The following DGKZ variants were observed in gnomAD, a reference collection of about 807,000 sequenced individuals.
DGKZ encodes DAG kinase zeta.
DGKZ carries 45 observed loss-of-function variants against 142.5 expected under a neutral mutation model. The ratio of observed to expected loss-of-function variants is 0.32; its 90% CI spans 0.25 to 0.40. The LOEUF is 0.40. Among genes scored for constraint, DGKZ ranks in the 10% least tolerant of loss-of-function variants. The probability of loss-of-function intolerance (pLI) is 1.00; values close to 1 mark genes in which losing one functional copy is unlikely to be tolerated. For synonymous variants in DGKZ, 442 were observed against 527.0 expected (o/e 0.84, Z 2.21); for missense variants, 755 against 1,306.5 (o/e 0.58, Z 6.51).
chr11:46,372,244 C>G lies in DGKZ; in HGVS notation c.927+74C>G. 1 of 1,440,370 alleles carries G rather than the reference C, an allele frequency of 6.9e-7. No individual in the cohort carries two copies. The highest frequency in any genetic ancestry group is 9.4e-7 in the Non-Finnish European group (1 of 1,060,138). The allele number at this position is 1,440,370 out of a possible 1,614,324, so 89.2% of individuals were successfully genotyped here. On this transcript the variant is annotated intron_variant, in intron 10 of 30. Transcript: ENST00000527911. The surrounding 1 kb of genome is among the most constrained non-coding windows in gnomAD (Gnocchi z 5.9). ...TCCAGCCCGTCTGCCAGCAGCTGTT[C>G]CCAGAGCCCGTTTCTGGCTTCTACC...
chr11:46,334,504 TG>T (rs1158971860), intron 1 of DGKZ, among the ~76,000 whole-genome samples: 40 of 152,218 alleles, frequency 2.6e-4, no homozygotes, highest in Non-Finnish European at 1.5e-4. Context: ...TCATAAAACT[TG>T]CCCAGCCCTG....
At chr11:46,362,409 C>T (rs1327294950) in intron 1 of DGKZ, among the ~76,000 whole-genome samples, 1 of 152,172 alleles carries the variant, frequency 6.6e-6, no homozygotes, top group Admixed American at 6.5e-5. Context: ...GGTGGCCACC[C>T]TGGGCACTCC....
At position 46,367,353 on chromosome 11, in the gene DGKZ, C is replaced by A. The variant is rs749509532; in HGVS notation, c.224C>A (p.Pro75Gln). 32 of 1,613,164 alleles carry A rather than the reference C, an allele frequency of 2.0e-5. No individual in the cohort carries two copies. Among genetic ancestry groups the A allele is most frequent in the South Asian group, 8.8e-5 (8 of 91,076 alleles). Reference sequence around the variant, plus strand: ...CCCCCTCCGCCCACCCCTGGGGCCCCGTGCAGCGAGTCAGAGCGGCAGATC... The same window carrying A: ...CCCCCTCCGCCCACCCCTGGGGCCCAGTGCAGCGAGTCAGAGCGGCAGATC... The change falls in exon 2 of 31, where the codon CCG (proline) becomes CAG (glutamine). Residue 75 changes from proline to glutamine, a missense_variant. Transcript: ENST00000527911. This position sits in a 1 kb window ranked among gnomAD's most constrained non-coding sequence, Gnocchi z 4.1.
At chr11:46,366,982 C>T (rs1192074707) in intron 1 of DGKZ, 16 of 1,525,794 alleles carry the variant, frequency 1.0e-5, no homozygotes, top group South Asian at 3.6e-5. Flanking sequence ...GCGCCCTGCT[C>T]GCGTAGGTAT....
At chr11:46,375,099 G>C (rs1944389995) in intron 19 of DGKZ, 54 bp downstream of exon 19, 1 of 1,481,258 alleles carries the variant, frequency 6.8e-7, no homozygotes, top group African/African-American at 1.4e-5. Flanking sequence ...AGGTGGAAGG[G>C]GTCACCCATA....
At chr11:46,371,579 G>T (rs1176186332) in exon 8 of DGKZ, 1 of 1,610,598 alleles carries the variant, frequency 6.2e-7, no homozygotes, top group Non-Finnish European at 8.5e-7. Context: ...CGCCCACCTG[G>T]ATCCTCCGCG....
At chr11:46,356,377 A>C (rs973684467) in intron 1 of DGKZ, among the ~76,000 whole-genome samples, 3 of 152,150 alleles carry the variant, frequency 2.0e-5, no homozygotes, top group African/African-American at 7.2e-5. Flanking sequence ...AGCGGGATCC[A>C]TGAGGCTGAG....
intron 1 of DGKZ, chr11:46,361,653 A>C: frequency 1.0e-6 from 1 of 985,588 alleles, no homozygotes; most frequent in Non-Finnish European, 1.2e-6. Flanking sequence ...AGCTGGATCC[A>C]GAGCCCGGCC....
chr11:46,373,187 G>A, intron 14 of DGKZ, 86 bp downstream of exon 14: 1 of 1,433,422 alleles, frequency 7.0e-7, no homozygotes, highest in Non-Finnish European at 9.2e-7. Context: ...GGGACCTCGG[G>A]CGTGTCTCTT....
chr11:46,370,254 G>A (rs750149779), intron 6 of DGKZ, among the ~76,000 whole-genome samples: 1 of 152,258 alleles, frequency 6.6e-6, no homozygotes. Context: ...CTTTGAAGCT[G>A]CAAGTGGCCC....
At chr11:46,355,294 G>A (rs1020786132) in intron 1 of DGKZ, among the ~76,000 whole-genome samples, 3 of 151,902 alleles carry the variant, frequency 2.0e-5, no homozygotes, top group Non-Finnish European at 4.4e-5. Context: ...ATTTTTAGTA[G>A]AGACGGGGTT....
Position 46,367,984 on chromosome 11 carries a change from T to C in DGKZ, c.367-18T>C. The C allele has an allele frequency of 6.2e-7, 1 of 1,613,184 alleles. No individual in the cohort carries two copies. Among genetic ancestry groups the C allele is most frequent in the Non-Finnish European group, 8.5e-7 (1 of 1,179,776 alleles). ...GACTTACCTGGTGCCTCAGGGGCCC[T>C]CTCTTCCTGTCCTGCAGCAGAAGTC... On this transcript the variant is annotated intron_variant, in intron 3 of 30. Transcript: ENST00000527911. The surrounding 1 kb of genome is among the most constrained non-coding windows in gnomAD (Gnocchi z 4.1).
chr11:46,345,819 G>T (rs1379476301), upstream of DGKZ, among the ~76,000 whole-genome samples: 1 of 152,180 alleles, frequency 6.6e-6, no homozygotes, highest in African/African-American at 2.4e-5. The surrounding 1 kb of genome is among the most constrained non-coding windows in gnomAD (Gnocchi z 4.1). Flanking sequence ...GCAGTGGGGG[G>T]ATCTGGGAAG....
rs550056028 is a variant in DGKZ at position 46,369,291 on chromosome 11, A to G, written c.445-203A>G. On this transcript the variant is annotated intron_variant, in intron 4 of 30. Coordinates refer to ENST00000527911, the Ensembl canonical transcript of DGKZ. ...CCTGGGTCCTGGGTGGAAGAAGGAA[A>G]GATCCCTCTGGCTAGTGAGGAGGAG... is the stretch of plus-strand genomic sequence containing the variant. 16 of 653,552 alleles carry G rather than the reference A, an allele frequency of 2.4e-5. No homozygotes were observed. The African/African-American group carries it at 2.5e-4, about 10-fold the overall frequency. The allele number at this position is 653,552 out of a possible 1,614,324, so 40.5% of individuals were successfully genotyped here.
At chr11:46,354,012 G>A (rs1048297413) in intron 1 of DGKZ, among the ~76,000 whole-genome samples, 13 of 152,262 alleles carry the variant, frequency 8.5e-5, no homozygotes, top group Non-Finnish European at 1.5e-4. Context: ...GCTGGTTCTT[G>A]CTCCCCAACC....
chr11:46,348,740 T>A (rs975669374), intron 1 of DGKZ, among the ~76,000 whole-genome samples: 1 of 152,198 alleles, frequency 6.6e-6, no homozygotes, highest in African/African-American at 2.4e-5. Context: ...CCTGCCCTGG[T>A]AGCCGTGGTG....
intron 1 of DGKZ, among the ~76,000 whole-genome samples, chr11:46,363,502 T>A (rs1942910272): frequency 6.6e-6 from 1 of 152,138 alleles, no homozygotes; most frequent in Admixed American, 6.5e-5. Context: ...CCTGGACAGA[T>A]GTGGACCTGG....
At chr11:46,376,672 C>CGA in intron 24 of DGKZ, 108 bp downstream of exon 24, 1 of 1,431,878 alleles carries the variant, frequency 7.0e-7, no homozygotes, top group Non-Finnish European at 9.7e-7. Context: ...CCTCTGTCCT[C>CGA]ATGCCTCTGA....
chr11:46,345,723 G>A (rs1168688596), upstream of DGKZ: 1 of 875,782 alleles, frequency 1.1e-6, no homozygotes, highest in African/African-American at 1.8e-5. The surrounding 1 kb of genome is among the most constrained non-coding windows in gnomAD (Gnocchi z 4.1). Flanking sequence ...TAGGGCAAAG[G>A]AGTTATTGGC....
Sources: gnomAD v4.1 joint callset for allele counts (sites outside exome capture counted in the v4.1 genomes callset) on GRCh38, gnomAD v4.1.1 for gene constraint, Gnocchi (gnomAD v3.1) non-coding constraint, MANE v1.5 for transcripts, NCBI Gene and HGNC (gene_info 2026-07-23, HGNC 2026-07-21) for gene names.